N4BP2L2: variants seen among roughly 807,000 people sequenced by gnomAD.
The protein encoded by N4BP2L2 is NEDD4-binding protein 2-like 2.
In N4BP2L2, 50 loss-of-function variants were observed where a neutral mutation model predicts 56.2. That is an observed-to-expected ratio of 0.89 (90% CI 0.71 to 1.13). The LOEUF (loss-of-function observed/expected upper bound fraction) is 1.13, where lower values mean the gene tolerates loss of function less well. Ranked by LOEUF, N4BP2L2 falls within the 50% of genes most tolerant of loss-of-function variation. N4BP2L2 has a pLI of 0.00. For missense variants in N4BP2L2, 689 were observed against 693.8 expected, an observed-to-expected ratio of 0.99 and a Z score of 0.08; for synonymous variants, 203 against 223.6, an observed-to-expected ratio of 0.91 and a Z score of 0.82.
At chr13:32,502,865 A>G (rs150947685) in intron 6 of N4BP2L2, among the ~76,000 whole-genome samples, 128 of 152,280 alleles carry the variant, frequency 8.4e-4, no homozygotes, top group African/African-American at 2.9e-3. Context: ...TTTGAATACT[A>G]GAAGTCATTA....
chr13:32,508,723 A>G (rs2091333039), downstream of N4BP2L2: 1 of 152,190 alleles, frequency 6.6e-6, no homozygotes, highest in African/African-American at 2.4e-5. Context: ...GCTATTCTTG[A>G]TTGCTGAATA....
At chr13:32,461,688 G>A (rs2080107170) in intron 6 of N4BP2L2, among the ~76,000 whole-genome samples, 1 of 152,136 alleles carries the variant, frequency 6.6e-6, no homozygotes, top group Non-Finnish European at 1.5e-5. Context: ...CTGCAGCCTT[G>A]AACTCCTGGG....
intron 2 of N4BP2L2, among the ~76,000 whole-genome samples, chr13:32,532,886 G>A (rs796268742): frequency 6.7e-5 from 7 of 103,896 alleles, no homozygotes; most frequent in African/African-American, 1.2e-4. Flanking sequence ...ACCGGCACCC[G>A]GCCTTTTTTT....
At chr13:32,510,747 C>T (rs2047952727) in exon 6 of N4BP2L2, 1 of 152,168 alleles carries the variant, frequency 6.6e-6, no homozygotes, top group African/African-American at 2.4e-5. Context: ...GATCTACCCA[C>T]CCGGCCTCCG....
intron 6 of N4BP2L2, among the ~76,000 whole-genome samples, chr13:32,461,978 C>G (rs1399254619): frequency 6.6e-6 from 1 of 152,174 alleles, no homozygotes; most frequent in East Asian, 1.9e-4. Context: ...AAGGAACTCT[C>G]ATACACTGTT....
At chr13:32,534,710 T>C (rs532362689) in intron 2 of N4BP2L2, among the ~76,000 whole-genome samples, 5 of 152,364 alleles carry the variant, frequency 3.3e-5, no homozygotes, top group Admixed American at 2.6e-4. Context: ...AAAAGATGTT[T>C]ATTTAGGTTT....
chr13:32,525,131 T>C (rs1277736515), intron 3 of N4BP2L2: 1 of 152,238 alleles, frequency 6.6e-6, no homozygotes. Context: ...AAAGGTATAC[T>C]GGCTCTGCCC....
intron 7 of N4BP2L2, among the ~76,000 whole-genome samples, chr13:32,441,723 ATAAAT>A (rs2076374705): frequency 6.8e-6 from 1 of 146,658 alleles, no homozygotes; most frequent in Non-Finnish European, 1.5e-5. Context: ...AAATAAATAA[ATAAAT>A]AAATAAATAT....
intron 6 of N4BP2L2, among the ~76,000 whole-genome samples, chr13:32,479,059 C>T (rs2083997885): frequency 6.6e-6 from 1 of 151,662 alleles, no homozygotes; most frequent in Admixed American, 6.6e-5. Context: ...CACTTGAACT[C>T]AGGAGGCAGA....
intron 5 of N4BP2L2, 150 bp from the exon 6 acceptor site, chr13:32,518,153 C>G: frequency 1.3e-6 from 1 of 761,368 alleles, no homozygotes. Flanking sequence ...TGTAAAAAGA[C>G]TTATTAAAAA....
At chr13:32,454,257 G>T (rs559977964) in intron 6 of N4BP2L2, among the ~76,000 whole-genome samples, 20 of 152,318 alleles carry the variant, frequency 1.3e-4, no homozygotes, top group African/African-American at 4.6e-4. Context: ...TGATGATGAT[G>T]ATGTTGTTGT....
intron 6 of N4BP2L2, among the ~76,000 whole-genome samples, chr13:32,457,564 T>A (rs888795777): frequency 1.3e-5 from 2 of 152,244 alleles, no homozygotes; most frequent in Non-Finnish European, 2.9e-5. Flanking sequence ...CAGGAGAAAA[T>A]GGATGATATA....
At chr13:32,492,691 T>C (rs1163969904) in intron 6 of N4BP2L2, among the ~76,000 whole-genome samples, 4 of 152,172 alleles carry the variant, frequency 2.6e-5, no homozygotes, top group Admixed American at 2.6e-4. Flanking sequence ...GTCACAGTTG[T>C]TGTTTTAAAA....
chr13:32,513,198 AT>A (rs2139816004), exon 6 of N4BP2L2: 1 of 152,352 alleles, frequency 6.6e-6, no homozygotes, highest in South Asian at 2.1e-4. Context: ...AATCATAATC[AT>A]TAGCTTTTCA....
Position 32,463,918 on chromosome 13 carries a change from C to CAAAAA in N4BP2L2, c.366-19797_366-19793dup, listed in dbSNP as rs58685358. ...TAGAATGGCCCTACCTGCCCATGAC[C>CAAAAA]AAAAAAAAAAAAAAAAAAAAGGTAA... is the stretch of plus-strand genomic sequence containing the variant. On this transcript the variant is annotated intron_variant, in intron 6 of 9. Transcript: ENST00000357505. 2.0e-3 allele frequency among the ~76,000 whole-genome samples: 127 copies of CAAAAA among 64,154 alleles called. 22 individuals are homozygous for CAAAAA. Among genetic ancestry groups the CAAAAA allele is most frequent in the Admixed American group, 5.2e-3 (23 of 4,414 alleles). 42.1% of individuals were successfully genotyped at this position (64,154 alleles called of 152,430 possible). A position where few individuals can be genotyped will look rare whatever the true frequency, so the allele number is the denominator to read the frequency against.
downstream of N4BP2L2, chr13:32,508,885 T>C (rs2091362146): frequency 6.6e-6 from 1 of 152,222 alleles, no homozygotes. Flanking sequence ...ACCTGGAGTA[T>C]TCTTCTCAGA....
At chr13:32,471,358 C>T (rs990204360) in intron 6 of N4BP2L2, among the ~76,000 whole-genome samples, 1 of 152,138 alleles carries the variant, frequency 6.6e-6, no homozygotes, top group Admixed American at 6.5e-5. Context: ...GACCTCTGGG[C>T]CAGAATGACT....
chr13:32,537,112 AAG>A (rs2056742782), intron 1 of N4BP2L2, 85 bp from the exon 2 acceptor site: 1 of 956,942 alleles, frequency 1.0e-6, no homozygotes, highest in African/African-American at 1.7e-5. Flanking sequence ...AAATTAGACA[AAG>A]ACATTTAAAT....
chr13:32,529,820 A>C (rs1169813421), intron 2 of N4BP2L2, among the ~76,000 whole-genome samples: 1 of 151,204 alleles, frequency 6.6e-6, no homozygotes, highest in African/African-American at 2.4e-5. Flanking sequence ...CCACCTCCCA[A>C]GTTCAAGTGG....
Sources: gnomAD v4.1 joint callset for allele counts (sites outside exome capture counted in the v4.1 genomes callset) on GRCh38, gnomAD v4.1.1 for gene constraint, MANE v1.5 for transcripts, NCBI Gene and HGNC (gene_info 2026-07-23, HGNC 2026-07-21) for gene names.